ERBB3: variants seen among roughly 807,000 people sequenced by gnomAD.
ERBB3 encodes the protein erb-b2 receptor tyrosine kinase 3.
A neutral mutation model predicts 156.7 loss-of-function variants in ERBB3; 96 were observed. The ratio of observed to expected loss-of-function variants is 0.61; its 90% confidence interval spans 0.52 to 0.73. ERBB3 has a LOEUF of 0.73. Ranked by LOEUF, ERBB3 falls within the 30% of genes least tolerant of loss-of-function variation. The pLI is 0.00. For missense variants in ERBB3, 1,406 were observed against 1,709.4 expected, an observed-to-expected ratio of 0.82 and a Z score of 3.13; for synonymous variants, 567 against 632.0, an observed-to-expected ratio of 0.90 and a Z score of 1.54.
intron 18 of ERBB3, 26 bp downstream of exon 18, chr12:56,096,648 G>A (rs1158414999): frequency 1.9e-6 from 3 of 1,614,072 alleles, no homozygotes; most frequent in East Asian, 2.2e-5. Context: ...GAATTCTGGA[G>A]AGGTGGGGAA....
chr12:56,083,472 C>A, intron 1 of ERBB3: 1 of 464,084 alleles, frequency 2.2e-6, no homozygotes, highest in Non-Finnish European at 4.0e-6. Flanking sequence ...CTCAGTTAAC[C>A]CCTTAGTACC....
intron 4 of ERBB3, among the ~76,000 whole-genome samples, chr12:56,087,208 G>A (rs1345256561): frequency 6.6e-6 from 1 of 151,100 alleles, no homozygotes; most frequent in Non-Finnish European, 1.5e-5. Context: ...TCTGTTACTC[G>A]TTCCACTAGA....
intron 26 of ERBB3, among the ~76,000 whole-genome samples, chr12:56,100,684 G>A (rs1449670036): frequency 1.4e-5 from 2 of 146,524 alleles, no homozygotes; most frequent in East Asian, 4.0e-4. Flanking sequence ...GCTCACGCCT[G>A]TAATCCTAGC....
rs1249083751 is a variant in ERBB3 at position 56,102,096 on chromosome 12, C to G, written c.*41C>G. Reference sequence around the variant, plus strand: ...GCACTCAGGGAGCATTTAATGGCAGCTAGTGCCTTTAGAGGGTACCGTCTT... The same window carrying G: ...GCACTCAGGGAGCATTTAATGGCAGGTAGTGCCTTTAGAGGGTACCGTCTT... On this transcript the variant is annotated 3_prime_UTR_variant, in exon 28 of 28. Transcript: ENST00000267101. 2 of 1,564,660 alleles carry G rather than the reference C, an allele frequency of 1.3e-6. No individual in the cohort carries two copies. The highest frequency in any genetic ancestry group is 3.3e-5 in the Admixed American group (2 of 59,960).
At position 56,101,930 on chromosome 12, in the gene ERBB3, G is replaced by T. The variant is rs755910454; in HGVS notation, c.3904G>T (p.Ala1302Ser). The T allele has an allele frequency of 1.1e-5, 18 of 1,612,982 alleles. No individual in the cohort carries two copies. In the African/African-American group the frequency reaches 1.2e-4, roughly 11 times the overall value. ...MRAFQGPGHQ[A>S]PHVHYARLKT... ...AGCTTTTCAGGGGCCTGGACATCAG[G>T]CCCCCCATGTCCATTATGCCCGCCT... Residue 1302 changes from alanine (A) to serine (S), a missense_variant, in exon 28 of 28, where the codon GCC becomes TCC. Physicochemically the swap from Ala to Ser is moderately conservative, Grantham distance 99. Around this residue, in one of 3 missense-constraint regions of ERBB3, gnomAD observed 415 missense variants for 454.1 expected, o/e 0.91. Coordinates refer to ENST00000267101, the MANE Select transcript of ERBB3 (RefSeq NM_001982.4).
intron 17 of ERBB3, 56 bp from the exon 18 acceptor site, chr12:56,096,447 G>A: frequency 6.2e-7 from 1 of 1,611,144 alleles, no homozygotes; most frequent in Non-Finnish European, 8.5e-7. Context: ...GGAGCGGGTT[G>A]GAGTGGGACA....
chr12:56,092,389 CAAAAAAAAAAAAAAA>C (rs60865127), intron 9 of ERBB3, among the ~76,000 whole-genome samples: 5 of 42,870 alleles, frequency 1.2e-4, no homozygotes, highest in South Asian at 1.6e-3. Context: ...GACTCTGTCT[CAAAAAAAAAAAAAAA>C]AAAAAAAAAA....
At position 56,097,906 on chromosome 12, in the gene ERBB3, CTGA is replaced by C. The variant is rs1868942049; in HGVS notation, c.2587_2589del (p.Asp863del). 2 of 1,613,724 alleles carry C rather than the reference CTGA, an allele frequency of 1.2e-6. No individual in the cohort carries two copies. The highest frequency in any genetic ancestry group is 2.2e-5 in the East Asian group (1 of 44,878). ...TTTGGTGTGGCTGACCTGCTGCCTC[CTGA>C]TGATAAGCAGCTGCTATACAGTGAG... On this transcript the variant is annotated inframe_deletion, in exon 21 of 28. Coordinates refer to ENST00000267101, the MANE Select transcript of ERBB3 (RefSeq NM_001982.4).
chr12:56,094,674 G>A (rs1039614476), intron 15 of ERBB3, 118 bp downstream of exon 15: 31 of 1,237,512 alleles, frequency 2.5e-5, no homozygotes, highest in Non-Finnish European at 3.1e-5. Context: ...CCAGCTGGCC[G>A]GGCGCAGTGG....
chr12:56,100,704 G>T (rs1869062170), intron 26 of ERBB3, among the ~76,000 whole-genome samples: 1 of 150,582 alleles, frequency 6.6e-6, no homozygotes, highest in African/African-American at 2.4e-5. Context: ...CACTTTGGGA[G>T]GCCGAGGTGG....
intron 9 of ERBB3, among the ~76,000 whole-genome samples, chr12:56,091,024 G>C (rs887496412): frequency 1.3e-5 from 2 of 151,328 alleles, no homozygotes; most frequent in Non-Finnish European, 2.9e-5. Flanking sequence ...TGATATTCTT[G>C]ATGAGTATAG....
chr12:56,088,176 G>T lies in ERBB3; in HGVS notation c.874+14G>T. The T allele has an allele frequency of 6.2e-7, 1 of 1,613,818 alleles. No individual in the cohort carries two copies. Among genetic ancestry groups the T allele is most frequent in the South Asian group, 1.1e-5 (1 of 91,048 alleles). The stretch of plus-strand genomic sequence containing the variant: ...CCAGCTGTCCCCGTAAGTGTCTGAG[G>T]GGAAGGAACAATGATCAACAATAGT... On this transcript the variant is annotated intron_variant, in intron 7 of 27. Coordinates refer to ENST00000267101, the MANE Select transcript of ERBB3 (RefSeq NM_001982.4).
In ERBB3 at chr12:56,088,141, G is replaced by C. The variant is rs149635848; in HGVS notation, c.853G>C (p.Val285Leu). The C allele has an allele frequency of 3.1e-6, 5 of 1,614,200 alleles. No individual in the cohort carries two copies. Among genetic ancestry groups the C allele is most frequent in the Non-Finnish European group, 4.2e-6 (5 of 1,180,034 alleles). Residue 285 changes from valine (V) to leucine (L), a missense_variant, in exon 7 of 28, where the codon GTT becomes CTT. Coordinates refer to ENST00000267101, the MANE Select transcript of ERBB3 (RefSeq NM_001982.4). ...CCACACCAAGTATCAGTATGGAGGAGTTTGTGTAGCCAGCTGTCCCCGTAA... is the reference window on the plus strand; with the variant it reads ...CCACACCAAGTATCAGTATGGAGGACTTTGTGTAGCCAGCTGTCCCCGTAA... ...NPHTKYQYGG[V>L]CVASCPHNFV...
chr12:56,088,865 A>G lies in ERBB3; in HGVS notation c.1106A>G (p.Asn369Ser), dbSNP rs200211366. Residue 369 changes from asparagine (N) to serine (S), a missense_variant, in exon 9 of 28, where the codon AAT becomes AGT. Transcript: ENST00000267101. ...GNLDFLITGL[N>S]GDPWHKIPAL... ...CTGGACTTTCTGATCACCGGCCTCAATGGGTTAGAGATCCTGCCTTCCCTC... is the reference window on the plus strand; with the variant it reads ...CTGGACTTTCTGATCACCGGCCTCAGTGGGTTAGAGATCCTGCCTTCCCTC... 467 of 1,614,034 alleles carry G rather than the reference A, an allele frequency of 2.9e-4. No individual in the cohort carries two copies. Among genetic ancestry groups the G allele is most frequent in the Non-Finnish European group, 3.6e-4 (427 of 1,179,986 alleles).
In ERBB3 at chr12:56,098,836, C is replaced by A. The variant is rs2136822697; in HGVS notation, c.2770C>A (p.Leu924Ile). Reference protein sequence around the residue: ...GLRLAEVPDLLEKGERLAQPQ... With the variant: ...GLRLAEVPDLIEKGERLAQPQ... Reference sequence around the variant, plus strand: ...ACGATTGGCTGAAGTACCAGACCTGCTAGAGAAGGGGGAGCGGTTGGCACA... The same window carrying A: ...ACGATTGGCTGAAGTACCAGACCTGATAGAGAAGGGGGAGCGGTTGGCACA... Residue 924 changes from leucine to isoleucine, a missense_variant, in exon 23 of 28, where the codon CTA (leucine) becomes ATA (isoleucine). Leu to Ile is a conservative substitution (Grantham distance 5). Coordinates refer to ENST00000267101, the MANE Select transcript of ERBB3 (RefSeq NM_001982.4). 1 of 1,614,014 alleles carries A rather than the reference C, an allele frequency of 6.2e-7. No individual in the cohort carries two copies. The highest frequency in any genetic ancestry group is 8.5e-7 in the Non-Finnish European group (1 of 1,179,922).
intron 9 of ERBB3, among the ~76,000 whole-genome samples, chr12:56,090,909 A>G (rs1357128720): frequency 6.6e-6 from 1 of 152,032 alleles, no homozygotes; most frequent in Non-Finnish European, 1.5e-5. Context: ...CCTTATTCAG[A>G]TTTCACTAAT....
In ERBB3 at chr12:56,080,384, T is replaced by C; in HGVS notation, c.82+2T>C. On this transcript the variant is annotated splice_donor_variant, in intron 1 of 27. Coordinates refer to ENST00000267101, the MANE Select transcript of ERBB3 (RefSeq NM_001982.4). LOFTEE classifies it high-confidence loss of function. ...CCGAGGTGGGCAACTCTCAGGCAGGTAAGTGGCGCGAGAGCACCGGCGGGC... is the reference window on the plus strand; with the variant it reads ...CCGAGGTGGGCAACTCTCAGGCAGGCAAGTGGCGCGAGAGCACCGGCGGGC... 6.3e-7 allele frequency: 1 copy of C among 1,590,318 alleles called. No individual in the cohort carries two copies. The highest frequency in any genetic ancestry group is 8.6e-7 in the Non-Finnish European group (1 of 1,167,580).
At chr12:56,096,282 A>C in intron 17 of ERBB3, 1 of 610,012 alleles carries the variant, frequency 1.6e-6, no homozygotes, top group Non-Finnish European at 2.9e-6. Flanking sequence ...CATCAAAGGG[A>C]AAACCCAACC....
intron 20 of ERBB3, 43 bp downstream of exon 20, chr12:56,097,273 C>G (rs1320133039): frequency 5.0e-6 from 8 of 1,587,814 alleles, no homozygotes; most frequent in East Asian, 4.5e-5. Flanking sequence ...AACTGCTTGT[C>G]TGGGGGCCAG....
Sources: allele counts gnomAD v4.1 joint callset (sites outside exome capture counted in the v4.1 genomes callset), GRCh38; gene constraint gnomAD v4.1.1; regional missense constraint gnomAD v4.1.1; transcripts MANE v1.5; gene names NCBI Gene and HGNC (gene_info 2026-07-23, HGNC 2026-07-21).